SEMA3C: variants seen among roughly 807,000 people sequenced by gnomAD.
The protein encoded by SEMA3C is semaphorin 3C, also known as semaphorin-3C.
In SEMA3C, 47 loss-of-function variants were observed where a neutral mutation model predicts 89.4. The ratio of observed to expected loss-of-function variants is 0.53; its 90% CI spans 0.42 to 0.67. The LOEUF (loss-of-function observed/expected upper bound fraction) is 0.67. Ranked by LOEUF, SEMA3C falls within the 30% of genes least tolerant of loss-of-function variation. SEMA3C has a pLI of 0.00. For synonymous variants in SEMA3C, 310 were observed against 320.2 expected (o/e 0.97, Z 0.34); for missense variants, 839 against 929.1 (o/e 0.90, Z 1.26).
At chr7:80,840,955 G>C (rs934141747) in intron 2 of SEMA3C, among the ~76,000 whole-genome samples, 2 of 152,080 alleles carry the variant, frequency 1.3e-5, no homozygotes, top group African/African-American at 2.4e-5. Flanking sequence ...CATTTTCCAG[G>C]GAGTAGAAAA....
Position 80,749,039 on chromosome 7 carries a change from A to C in SEMA3C, c.1712-11T>G. On this transcript the variant is annotated splice_polypyrimidine_tract_variant and intron_variant, in intron 16 of 17. Coordinates refer to ENST00000265361, the MANE Select transcript of SEMA3C (RefSeq NM_006379.5). ...CTGCATTTCTGTATGCTAGCAGGCA[A>C]AAATAAAAGGCGAGAGAGAAAGAAA... 2 of 1,591,048 alleles carry C rather than the reference A, an allele frequency of 1.3e-6. No homozygotes were observed. Among genetic ancestry groups the C allele is most frequent in the South Asian group, 1.1e-5 (1 of 87,150 alleles).
chr7:80,780,965 T>C (rs1468893678), intron 12 of SEMA3C, among the ~76,000 whole-genome samples: 1 of 152,202 alleles, frequency 6.6e-6, no homozygotes, highest in Non-Finnish European at 1.5e-5. Context: ...AAAAAGATTT[T>C]GAGAGGGTTC....
At chr7:80,903,064 G>T (rs1791922009) in intron 2 of SEMA3C, among the ~76,000 whole-genome samples, 1 of 152,116 alleles carries the variant, frequency 6.6e-6, no homozygotes, top group African/African-American at 2.4e-5. Flanking sequence ...CCCTCCTAAT[G>T]CAGATAAAAT....
In SEMA3C at chr7:80,798,256, AAGGCATTTTCAAATTTTT is replaced by A; in HGVS notation, c.987-38_987-21del. 1 of 1,409,858 alleles carries A rather than the reference AAGGCATTTTCAAATTTTT, an allele frequency of 7.1e-7. No individual in the cohort carries two copies. The allele number at this position is 1,409,858 out of a possible 1,614,324, so 87.3% of individuals were successfully genotyped here. A position where few individuals can be genotyped will look rare whatever the true frequency, so the allele number is the denominator to read the frequency against. ...ACTGAGCTAAAAAAGAAAACAGAAAAAGGCATTTTCAAATTTTTAAAATTAAAATACAATTTAAAAAAT... is the reference window on the plus strand; with the variant it reads ...ACTGAGCTAAAAAAGAAAACAGAAAAAAAATTAAAATACAATTTAAAAAAT... On this transcript the variant is annotated intron_variant, in intron 10 of 17. Transcript: ENST00000265361.
chr7:80,854,923 A>G (rs1194048938), intron 2 of SEMA3C, among the ~76,000 whole-genome samples: 1 of 152,232 alleles, frequency 6.6e-6, no homozygotes, highest in Non-Finnish European at 1.5e-5. Context: ...ATTAGATAAG[A>G]TGTAACCAGA....
intron 12 of SEMA3C, among the ~76,000 whole-genome samples, chr7:80,783,742 T>A (rs1400582987): frequency 2.0e-5 from 3 of 152,208 alleles, no homozygotes; most frequent in Non-Finnish European, 2.9e-5. Context: ...AAGGCAGTTA[T>A]CCTCTAATGC....
rs1473142792 is a variant in SEMA3C at position 80,918,910 on chromosome 7, G to C, written c.-121C>G. 1.0e-6 allele frequency: 1 copy of C among 985,290 alleles called. No homozygotes were observed. The highest frequency in any genetic ancestry group is 1.7e-5 in the African/African-American group (1 of 57,228). The allele number at this position is 985,290 out of a possible 1,614,324, so 61.0% of individuals were successfully genotyped here. On this transcript the variant is annotated 5_prime_UTR_variant, in exon 1 of 18. Coordinates refer to ENST00000265361, the MANE Select transcript of SEMA3C (RefSeq NM_006379.5). The stretch of plus-strand genomic sequence containing the variant: ...GCTTGTGTCTCCAGTCCTTTTCCCA[G>C]ACGACCTTATTTTCTAGCACGTCGC...
chr7:80,754,069 T>C (rs899011552), intron 15 of SEMA3C, among the ~76,000 whole-genome samples: 15 of 152,036 alleles, frequency 9.9e-5, no homozygotes, highest in African/African-American at 3.6e-4. Context: ...TCCTGAGTAG[T>C]TGGGATTACA....
intron 6 of SEMA3C, among the ~76,000 whole-genome samples, chr7:80,806,058 TTA>T: frequency 6.6e-6 from 1 of 152,116 alleles, no homozygotes; most frequent in Non-Finnish European, 1.5e-5. Context: ...ATATTAATTT[TTA>T]TATAGAGTCT....
intron 2 of SEMA3C, among the ~76,000 whole-genome samples, chr7:80,863,682 T>C (rs1179815833): frequency 6.7e-6 from 1 of 148,888 alleles, no homozygotes; most frequent in South Asian, 2.1e-4. Context: ...TACACACATA[T>C]ATATACACAC....
intron 15 of SEMA3C, among the ~76,000 whole-genome samples, chr7:80,753,164 G>A (rs1281784549): frequency 6.6e-6 from 1 of 152,054 alleles, no homozygotes; most frequent in Non-Finnish European, 1.5e-5. Context: ...GACCCGTACC[G>A]ATTGTGTATT....
intron 4 of SEMA3C, among the ~76,000 whole-genome samples, chr7:80,821,945 C>T (rs1472015148): frequency 6.6e-6 from 1 of 151,990 alleles, no homozygotes; most frequent in Non-Finnish European, 1.5e-5. Flanking sequence ...GTGCTCCCTG[C>T]CCCTCCCCAC....
chr7:80,881,529 G>T (rs1421233186), intron 2 of SEMA3C, among the ~76,000 whole-genome samples: 2 of 152,200 alleles, frequency 1.3e-5, no homozygotes, highest in Admixed American at 6.5e-5. Context: ...ATCACTGGAG[G>T]GGTGTAAGTG....
At chr7:80,841,702 G>A (rs373258657) in intron 2 of SEMA3C, among the ~76,000 whole-genome samples, 5 of 152,202 alleles carry the variant, frequency 3.3e-5, no homozygotes, top group African/African-American at 1.2e-4. Context: ...AAAAATTCTT[G>A]AACTATGCTT....
At chr7:80,861,680 A>T (rs968238423) in intron 2 of SEMA3C, among the ~76,000 whole-genome samples, 38 of 152,174 alleles carry the variant, frequency 2.5e-4, no homozygotes, top group Non-Finnish European at 8.8e-5. Flanking sequence ...TTCAAAGAAT[A>T]TTTTTGCGTA....
intron 2 of SEMA3C, among the ~76,000 whole-genome samples, chr7:80,893,402 C>G (rs565218405): frequency 1.3e-5 from 2 of 152,230 alleles, no homozygotes; most frequent in African/African-American, 4.8e-5. Flanking sequence ...CTTTCCTGAC[C>G]ATATGTTCTT....
rs532260268 is a variant in SEMA3C, at chr7:80,825,294, G to T, written c.327+2131C>A. Among the ~76,000 whole-genome samples the T allele has an allele frequency of 7.9e-5, 12 of 152,012 alleles. No homozygotes were observed. The East Asian group carries it at 9.7e-4, about 12-fold the overall frequency. ...TGCACAGACCAAACATGTATTTTTT[G>T]ATTAGTATTTCCCAGCACTCAACAA... is the stretch of plus-strand genomic sequence containing the variant. On this transcript the variant is annotated intron_variant, in intron 4 of 17. Transcript: ENST00000265361.
intron 12 of SEMA3C, among the ~76,000 whole-genome samples, chr7:80,771,148 T>G (rs1230546595): frequency 6.6e-6 from 1 of 152,246 alleles, no homozygotes; most frequent in East Asian, 1.9e-4. Context: ...CTTAGCATGG[T>G]GTCTGGCACA....
rs1185842566 is a variant in SEMA3C at position 80,828,605 on chromosome 7, T to C, written c.244A>G (p.Ile82Val). The C allele has an allele frequency of 1.9e-6, 3 of 1,608,956 alleles. No homozygotes were observed. Among genetic ancestry groups the C allele is most frequent in the Non-Finnish European group, 2.5e-6 (3 of 1,176,778 alleles). Residue 82 changes from isoleucine (I) to valine (V), a missense_variant, in exon 3 of 18, where the codon ATA (isoleucine) becomes GTA (valine). Coordinates refer to ENST00000265361, the MANE Select transcript of SEMA3C (RefSeq NM_006379.5). The stretch of plus-strand genomic sequence containing the variant: ...CTTACACTCAAAGCTTCTTGACTTA[T>C]ATTGTTAATATTCAGGGAAAGAATG... ...DHILSLNINNISQEALSVFWP... is the reference protein window; with the variant it reads ...DHILSLNINNVSQEALSVFWP...
Sources: allele counts gnomAD v4.1 joint callset (sites outside exome capture counted in the v4.1 genomes callset), GRCh38; gene constraint gnomAD v4.1.1; transcripts MANE v1.5; gene names NCBI Gene and HGNC (gene_info 2026-07-23, HGNC 2026-07-21).